RCOR1: variants seen among roughly 807,000 people sequenced by gnomAD.
The protein encoded by RCOR1 is REST corepressor 1.
A neutral mutation model predicts 64.0 loss-of-function variants in RCOR1; 12 were observed. The ratio of observed to expected loss-of-function variants is 0.19; its 90% CI spans 0.12 to 0.30. The LOEUF (loss-of-function observed/expected upper bound fraction) is 0.30, where lower values mean the gene tolerates loss of function less well. RCOR1 is among the 10% of genes least tolerant of loss of function. The pLI, the probability that RCOR1 is intolerant of heterozygous loss-of-function variation, is 1.00. For missense variants in RCOR1, 502 were observed against 621.2 expected (o/e 0.81, Z 2.04); for synonymous variants, 279 against 227.2 (o/e 1.23, Z -2.05).
At chr14:102,606,215 C>T (rs8008714) in intron 2 of RCOR1, among the ~76,000 whole-genome samples, 19,199 of 152,090 alleles carry the variant, frequency 0.13, 1,464 homozygotes, top group African/African-American at 0.21. Context: ...CATGAGCCAC[C>T]GTGCCCGGCC....
chr14:102,624,727 C>G (rs1893947087), intron 2 of RCOR1, among the ~76,000 whole-genome samples: 1 of 151,872 alleles, frequency 6.6e-6, no homozygotes, highest in Non-Finnish European at 1.5e-5. Context: ...GATCTTACCC[C>G]TACACTCCAG....
chr14:102,626,159 T>A (rs1243843091), intron 2 of RCOR1, among the ~76,000 whole-genome samples: 2 of 152,232 alleles, frequency 1.3e-5, no homozygotes, highest in Non-Finnish European at 2.9e-5. Flanking sequence ...TTGATGTTTC[T>A]TACGCTTTTG....
intron 2 of RCOR1, among the ~76,000 whole-genome samples, chr14:102,605,565 A>G (rs992066213): frequency 2.6e-5 from 4 of 152,174 alleles, no homozygotes; most frequent in Non-Finnish European, 5.9e-5. Context: ...GTTGGTGTAA[A>G]CAAACCTACT....
intron 2 of RCOR1, among the ~76,000 whole-genome samples, chr14:102,618,084 G>A (rs956154352): frequency 4.8e-5 from 7 of 146,314 alleles, no homozygotes; most frequent in African/African-American, 1.5e-4. Context: ...AGTGATTCCC[G>A]TGCCTCAGCC....
At chr14:102,682,037 AC>A in intron 3 of RCOR1, 59 bp downstream of exon 3, 1 of 1,158,208 alleles carries the variant, frequency 8.6e-7, no homozygotes, top group Non-Finnish European at 1.3e-6. Flanking sequence ...TTTTAAAGGT[AC>A]CTTTGAAGGT....
At chr14:102,695,192 T>C (rs913755730) in intron 3 of RCOR1, among the ~76,000 whole-genome samples, 8 of 152,222 alleles carry the variant, frequency 5.3e-5, no homozygotes, top group African/African-American at 1.9e-4. Flanking sequence ...AAAATGAATA[T>C]AGAAACAATT....
At chr14:102,615,584 G>A (rs1893743292) in intron 2 of RCOR1, among the ~76,000 whole-genome samples, 1 of 151,828 alleles carries the variant, frequency 6.6e-6, no homozygotes, top group South Asian at 2.1e-4. Context: ...AAGTAGCTGG[G>A]ATTACAGGTG....
At chr14:102,604,720 T>C (rs146576185) in intron 2 of RCOR1, among the ~76,000 whole-genome samples, 10 of 152,310 alleles carry the variant, frequency 6.6e-5, no homozygotes, top group African/African-American at 2.4e-4. Flanking sequence ...ATAAGAATTC[T>C]GATTTATAAG....
chr14:102,652,425 A>C (rs1269862638), intron 2 of RCOR1, among the ~76,000 whole-genome samples: 3 of 151,906 alleles, frequency 2.0e-5, no homozygotes, highest in African/African-American at 7.3e-5. Context: ...AATTACAAAC[A>C]CTCTCTCCTC....
At chr14:102,595,654 A>T (rs1893227099) in intron 2 of RCOR1, among the ~76,000 whole-genome samples, 1 of 146,088 alleles carries the variant, frequency 6.8e-6, no homozygotes, top group South Asian at 2.1e-4. Flanking sequence ...ATCTCAGCTC[A>T]CTGCAAGCTC....
intron 2 of RCOR1, among the ~76,000 whole-genome samples, chr14:102,638,407 C>T (rs985125588): frequency 6.6e-6 from 1 of 151,828 alleles, no homozygotes; most frequent in Non-Finnish European, 1.5e-5. Flanking sequence ...GTCATATTTT[C>T]GTTCTTGTCA....
At chr14:102,686,039 T>C (rs1895410990) in intron 3 of RCOR1, among the ~76,000 whole-genome samples, 1 of 152,192 alleles carries the variant, frequency 6.6e-6, no homozygotes, top group Non-Finnish European at 1.5e-5. Context: ...TTTGATTATA[T>C]GAATGTATCA....
chr14:102,607,807 G>A (rs1229025120), intron 2 of RCOR1, among the ~76,000 whole-genome samples: 2 of 152,174 alleles, frequency 1.3e-5, no homozygotes, highest in Admixed American at 6.6e-5. Flanking sequence ...GCTTGAACCC[G>A]GGAGGTGGAG....
At chr14:102,673,224 T>C (rs1895064095) in intron 2 of RCOR1, among the ~76,000 whole-genome samples, 1 of 152,228 alleles carries the variant, frequency 6.6e-6, no homozygotes, top group Non-Finnish European at 1.5e-5. Context: ...ATATTATACA[T>C]TTCCTTTAAC....
At chr14:102,722,987 C>T (rs528828005) in intron 11 of RCOR1, among the ~76,000 whole-genome samples, 1 of 152,262 alleles carries the variant, frequency 6.6e-6, no homozygotes, top group South Asian at 2.1e-4. Flanking sequence ...GAATGATAAC[C>T]CTGGTCTCAT....
At chr14:102,595,826 G>A (rs1482142831) in intron 2 of RCOR1, among the ~76,000 whole-genome samples, 3 of 152,122 alleles carry the variant, frequency 2.0e-5, no homozygotes, top group East Asian at 3.9e-4. Flanking sequence ...TGATCCGCCC[G>A]TCTCGGCCTC....
At chr14:102,630,108 C>A in intron 2 of RCOR1, 1 of 512,458 alleles carries the variant, frequency 2.0e-6, no homozygotes, top group Non-Finnish European at 2.5e-6. Context: ...TGGAGGTGGG[C>A]CCTAATGGAA....
chr14:102,613,598 A>G (rs1321328659), intron 2 of RCOR1, among the ~76,000 whole-genome samples: 2 of 151,138 alleles, frequency 1.3e-5, no homozygotes, highest in Non-Finnish European at 3.0e-5. Context: ...GCGCCCGGCT[A>G]ATTTTTTGTA....
At chr14:102,627,113 C>G (rs1293367422) in intron 2 of RCOR1, among the ~76,000 whole-genome samples, 2 of 152,050 alleles carry the variant, frequency 1.3e-5, no homozygotes, top group Admixed American at 1.3e-4. Context: ...GGGAAAAAAC[C>G]TGAATCAATT....
Sources: allele counts gnomAD v4.1 joint callset (sites outside exome capture counted in the v4.1 genomes callset), GRCh38; gene constraint gnomAD v4.1.1; transcripts MANE v1.5; gene names NCBI Gene and HGNC (gene_info 2026-07-23, HGNC 2026-07-21).